Variants in UVRAG observed in about 807,000 individuals in gnomAD.
UVRAG encodes the protein UV radiation resistance associated.
A neutral mutation model predicts 78.0 loss-of-function variants in UVRAG; 19 were observed. That is an observed-to-expected ratio of 0.24 (90% CI 0.17 to 0.36). UVRAG has a LOEUF of 0.36. Among genes scored for constraint, UVRAG ranks in the 10% least tolerant of loss-of-function variants. The probability of loss-of-function intolerance (pLI) is 1.00; values close to 1 mark genes in which losing one functional copy is unlikely to be tolerated. For missense variants in UVRAG, 740 were observed against 853.8 expected, an observed-to-expected ratio of 0.87 and a Z score of 1.66; for synonymous variants, 323 against 324.6, an observed-to-expected ratio of 1.00 and a Z score of 0.05.
intron 12 of UVRAG, among the ~76,000 whole-genome samples, chr11:76,045,986 G>A (rs905546079): frequency 1.3e-5 from 2 of 151,936 alleles, no homozygotes; most frequent in African/African-American, 4.8e-5. Context: ...GAATTCTAGA[G>A]GTAAAGTGAA....
chr11:76,110,140 C>A (rs1952044204), intron 13 of UVRAG, among the ~76,000 whole-genome samples: 1 of 151,238 alleles, frequency 6.6e-6, no homozygotes. Context: ...TTATTGAACA[C>A]CAGCTTTATG....
intron 14 of UVRAG, among the ~76,000 whole-genome samples, chr11:76,117,115 C>A (rs1399475285): frequency 6.6e-6 from 1 of 152,180 alleles, no homozygotes; most frequent in Non-Finnish European, 1.5e-5. Flanking sequence ...TTTAGCTTGT[C>A]TCTGTGTAAA....
chr11:76,117,295 C>G (rs934666298), intron 14 of UVRAG, among the ~76,000 whole-genome samples: 2 of 152,300 alleles, frequency 1.3e-5, no homozygotes, highest in South Asian at 2.1e-4. Flanking sequence ...ATTAATCACA[C>G]TAAATGAATC....
At chr11:75,852,897 T>G (rs1946187321) in intron 2 of UVRAG, among the ~76,000 whole-genome samples, 1 of 152,120 alleles carries the variant, frequency 6.6e-6, no homozygotes, top group Admixed American at 6.6e-5. Flanking sequence ...AGATGAAAAA[T>G]TCAAGTGATA....
At chr11:76,122,694 T>C (rs1259543411) in intron 14 of UVRAG, among the ~76,000 whole-genome samples, 1 of 152,146 alleles carries the variant, frequency 6.6e-6, no homozygotes, top group Non-Finnish European at 1.5e-5. Flanking sequence ...TGGCTCATGC[T>C]CTCTTGTACA....
chr11:75,893,344 T>A (rs1370989773), intron 5 of UVRAG, among the ~76,000 whole-genome samples: 3 of 151,552 alleles, frequency 2.0e-5, no homozygotes, highest in African/African-American at 7.3e-5. Context: ...AAAGATGGGC[T>A]CTTCAGGGTA....
At position 76,138,808 on chromosome 11, in the gene UVRAG, T is replaced by C. The variant is rs532013736; in HGVS notation, c.1398-1903T>C. ...GAAAGCTTGGCTTTTCTGCACAGAA[T>C]AGACTGTCTGAGGTGGTGCTGATGT... On this transcript the variant is annotated intron_variant, in intron 14 of 14. Transcript: ENST00000356136. Among the ~76,000 whole-genome samples the C allele has an allele frequency of 2.6e-5, 4 of 152,364 alleles. No individual in the cohort carries two copies. In the South Asian group the frequency reaches 8.3e-4, roughly 32 times the overall value.
intron 5 of UVRAG, among the ~76,000 whole-genome samples, chr11:75,891,265 T>C (rs1590982318): frequency 6.6e-6 from 1 of 152,296 alleles, no homozygotes; most frequent in East Asian, 1.9e-4. Flanking sequence ...GCCACAGTTT[T>C]TGGGGTATGC....
rs1947014236 is a variant in UVRAG at position 75,883,954 on chromosome 11, C to T, written c.432+3914C>T. 2.0e-5 allele frequency among the ~76,000 whole-genome samples: 3 copies of T among 152,006 alleles called. No homozygotes were observed. In the South Asian group the frequency reaches 6.2e-4, roughly 32 times the overall value. On this transcript the variant is annotated intron_variant, in intron 4 of 14. Coordinates refer to ENST00000356136, the MANE Select transcript of UVRAG (RefSeq NM_003369.4). ...CTTTGTGTTTCTTTTGGGTAAATCT[C>T]CAGGAATGGAATTGATGGGTCTAAT... is the stretch of plus-strand genomic sequence containing the variant.
At chr11:75,875,176 T>C (rs1946738297) in intron 3 of UVRAG, among the ~76,000 whole-genome samples, 1 of 152,228 alleles carries the variant, frequency 6.6e-6, no homozygotes. Flanking sequence ...TCATACCCCT[T>C]CTTTAGATTT....
intron 13 of UVRAG, among the ~76,000 whole-genome samples, chr11:76,089,961 T>C (rs1951664805): frequency 1.3e-5 from 2 of 152,142 alleles, no homozygotes; most frequent in African/African-American, 4.8e-5. Context: ...AGTTTCCAGC[T>C]GTGATGGGAT....
At chr11:76,019,085 A>G (rs1323378295) in intron 12 of UVRAG, among the ~76,000 whole-genome samples, 1 of 152,010 alleles carries the variant, frequency 6.6e-6, no homozygotes, top group Non-Finnish European at 1.5e-5. Flanking sequence ...CAAGACCACT[A>G]ATTCTATCTT....
chr11:75,878,506 T>A (rs183457707), intron 3 of UVRAG: 4,747 of 175,610 alleles, frequency 0.027, 220 homozygotes, highest in African/African-American at 0.08. Context: ...AGGCCAAGGC[T>A]GGCGGCTGGG....
chr11:75,913,917 T>A (rs533600992), intron 6 of UVRAG, among the ~76,000 whole-genome samples: 35 of 152,348 alleles, frequency 2.3e-4, no homozygotes, highest in Non-Finnish European at 7.4e-5. Flanking sequence ...AGTTCATATC[T>A]AGAGTATTTT....
chr11:75,991,560 G>T (rs1275276966), intron 8 of UVRAG, among the ~76,000 whole-genome samples: 1 of 152,084 alleles, frequency 6.6e-6, no homozygotes, highest in Non-Finnish European at 1.5e-5. Context: ...CTATGTCAGG[G>T]TCAGAGAGAT....
intron 13 of UVRAG, among the ~76,000 whole-genome samples, chr11:76,087,900 G>T (rs1044212589): frequency 1.3e-5 from 2 of 152,114 alleles, no homozygotes; most frequent in African/African-American, 2.4e-5. Flanking sequence ...TTTGAGACAA[G>T]ATCTCACTCT....
Position 75,851,895 on chromosome 11 carries a change from C to T in UVRAG, c.130C>T (p.His44Tyr). The part of the protein sequence containing the change: ...ELPSQQRRLR[H>Y]LRNIAARNIV... ...TGTTATTTTTCAGCGGCGTCTTCGA[C>T]ATCTTCGGAACATTGCTGCCCGGAA... The change falls in exon 2 of 15, where the codon CAT becomes TAT. Residue 44 changes from histidine (H) to tyrosine (Y), a missense_variant. His to Tyr is a moderately conservative substitution (Grantham distance 83, BLOSUM62 2). Transcript: ENST00000356136. 1 of 1,608,810 alleles carries T rather than the reference C, an allele frequency of 6.2e-7. No individual in the cohort carries two copies. The highest frequency in any genetic ancestry group is 8.5e-7 in the Non-Finnish European group (1 of 1,178,812).
chr11:75,837,326 CAAAAAAAAAAAAAA>C (rs753820781), intron 1 of UVRAG, among the ~76,000 whole-genome samples: 2 of 64,464 alleles, frequency 3.1e-5, no homozygotes, highest in African/African-American at 1.0e-4. Flanking sequence ...GACTCTGTCT[CAAAAAAAAAAAAAA>C]AAAAAAAAGT....
chr11:75,816,774 A>T (rs116029803), intron 1 of UVRAG, among the ~76,000 whole-genome samples: 2,792 of 152,298 alleles, frequency 0.018, 111 homozygotes, highest in African/African-American at 0.064. Flanking sequence ...TACCAGTGGG[A>T]CTTAGGAAGG....
Sources: gnomAD v4.1 joint callset for allele counts (sites outside exome capture counted in the v4.1 genomes callset) on GRCh38, gnomAD v4.1.1 for gene constraint, MANE v1.5 for transcripts, NCBI Gene and HGNC (gene_info 2026-07-23, HGNC 2026-07-21) for gene names.